The following RYR3 variants were observed in gnomAD, a reference collection of about 807,000 sequenced individuals.
RYR3 encodes the protein ryanodine receptor 3, also known as brain ryanodine receptor-calcium release channel.
A neutral mutation model predicts 584.3 loss-of-function variants in RYR3; 207 were observed. The observed-to-expected ratio is 0.35, with a 90% CI of 0.32 to 0.40. The LOEUF is 0.40. RYR3 is among the 10% of genes least tolerant of loss of function. RYR3 has a pLI of 1.00. For missense variants in RYR3, 5,616 were observed against 6,089.2 expected, an observed-to-expected ratio of 0.92 and a Z score of 2.59; for synonymous variants, 2,416 against 2,248.5, an observed-to-expected ratio of 1.07 and a Z score of -2.11.
chr15:33,795,370 T>C (rs113268409), intron 67 of RYR3, among the ~76,000 whole-genome samples: 7,016 of 146,670 alleles, frequency 0.048, 589 homozygotes, highest in African/African-American at 0.17. Context: ...TAAACAAGTC[T>C]TTTTCTTTTC....
At chr15:33,472,771 A>C (rs905152994) in intron 1 of RYR3, among the ~76,000 whole-genome samples, 1 of 152,144 alleles carries the variant, frequency 6.6e-6, no homozygotes, top group African/African-American at 2.4e-5. Flanking sequence ...CTACTCCTTG[A>C]GAATTCAGAG....
chr15:33,747,723 C>T (rs2070883781), intron 53 of RYR3, among the ~76,000 whole-genome samples: 1 of 152,106 alleles, frequency 6.6e-6, no homozygotes, highest in Admixed American at 6.5e-5. Context: ...CCGTGCCCAG[C>T]CCACAAGAAT....
At chr15:33,345,749 A>G (rs180683837) in intron 1 of RYR3, among the ~76,000 whole-genome samples, 5 of 152,332 alleles carry the variant, frequency 3.3e-5, no homozygotes, top group Admixed American at 2.0e-4. Flanking sequence ...GAGAAAATAC[A>G]TAGTTTTTAA....
chr15:33,548,793 A>G (rs953916040), intron 9 of RYR3, among the ~76,000 whole-genome samples: 20 of 152,182 alleles, frequency 1.3e-4, no homozygotes, highest in Non-Finnish European at 2.8e-4. Flanking sequence ...AAGGGGGATC[A>G]CTTTCAATGC....
chr15:33,663,955 G>A (rs942163443), intron 36 of RYR3, among the ~76,000 whole-genome samples: 2 of 152,166 alleles, frequency 1.3e-5, no homozygotes, highest in African/African-American at 4.8e-5. Context: ...AACTGCACAC[G>A]TGGCAGGGCT....
At chr15:33,610,665 C>A (rs1185129918) in intron 18 of RYR3, among the ~76,000 whole-genome samples, 2 of 152,148 alleles carry the variant, frequency 1.3e-5, no homozygotes, top group East Asian at 3.9e-4. Context: ...GTTGAGTATC[C>A]CTTATTCGAA....
chr15:33,694,019 G>C (rs574060765), intron 38 of RYR3, among the ~76,000 whole-genome samples: 1 of 152,072 alleles, frequency 6.6e-6, no homozygotes, highest in Non-Finnish European at 1.5e-5. Context: ...CCAGGAGGAC[G>C]TTACTTTTCT....
chr15:33,601,457 G>A lies in RYR3; in HGVS notation c.1827G>A (p.Gly609=). The change falls in exon 17 of 104, where the codon GGG becomes GGA. Residue 609 remains glycine (G), a synonymous_variant. Coordinates refer to ENST00000634891, the MANE Select transcript of RYR3 (RefSeq NM_001036.6). ...TGTGCTCCCTCTGTCTCTGCAATGG[G>A]GTTGCAGTGAGAGCCAACCAGAATC... The part of the protein sequence containing the change: ...DILCSLCLCN[G]VAVRANQNLI... The A allele has an allele frequency of 1.2e-6, 2 of 1,613,086 alleles. No individual in the cohort carries two copies. Among genetic ancestry groups the A allele is most frequent in the Non-Finnish European group, 1.7e-6 (2 of 1,179,470 alleles).
intron 72 of RYR3, among the ~76,000 whole-genome samples, chr15:33,811,553 ATGTTTGTTTGTT>A (rs57062262): frequency 6.7e-6 from 1 of 150,274 alleles, no homozygotes; most frequent in Non-Finnish European, 1.5e-5. Context: ...CCCTTAATGT[ATGTTTGTTTGTT>A]TGTTTGTTTG....
Position 33,635,810 on chromosome 15 carries a change from A to G in RYR3, c.3372A>G (p.Glu1124=). ...CCGATGACCAAGCCTTTGTGTTTGA[A>G]GGCAACAGGGTGAGTTTATATATCT... The part of the protein sequence containing the change: ...LGADDQAFVF[E]GNRGQRWHQG... The change falls in exon 26 of 104, where the codon GAA becomes GAG. Residue 1124 remains glutamate (E), a synonymous_variant. Coordinates refer to ENST00000634891, the MANE Select transcript of RYR3 (RefSeq NM_001036.6). 1 of 1,611,920 alleles carries G rather than the reference A, an allele frequency of 6.2e-7. No individual in the cohort carries two copies. Among genetic ancestry groups the G allele is most frequent in the Non-Finnish European group, 8.5e-7 (1 of 1,179,564 alleles).
At chr15:33,426,704 T>C (rs1157418204) in intron 1 of RYR3, among the ~76,000 whole-genome samples, 1 of 152,228 alleles carries the variant, frequency 6.6e-6, no homozygotes, top group Non-Finnish European at 1.5e-5. Flanking sequence ...ATTGGAATCT[T>C]AGTCTTATTT....
intron 3 of RYR3, among the ~76,000 whole-genome samples, chr15:33,514,501 C>T (rs1304049698): frequency 6.6e-6 from 1 of 152,074 alleles, no homozygotes; most frequent in Non-Finnish European, 1.5e-5. Context: ...CTCCTGAGTC[C>T]TGCTCTCTGG....
chr15:33,818,452 G>A, intron 75 of RYR3, 126 bp from the exon 76 acceptor site: 1 of 663,186 alleles, frequency 1.5e-6, no homozygotes, highest in South Asian at 1.9e-5. Flanking sequence ...TGACGTAGTG[G>A]TTTTGTTTTG....
intron 1 of RYR3, among the ~76,000 whole-genome samples, chr15:33,366,996 C>G (rs1387910263): frequency 6.6e-6 from 1 of 152,154 alleles, no homozygotes; most frequent in African/African-American, 2.4e-5. Context: ...ATTAGCGTGG[C>G]CAATTTAGCA....
Position 33,810,012 on chromosome 15 carries a change from G to A in RYR3, c.10027-467G>A, listed in dbSNP as rs552881242. Among the ~76,000 whole-genome samples, 40 of 152,314 alleles carry A rather than the reference G, an allele frequency of 2.6e-4. No homozygotes were observed. In the South Asian group the frequency reaches 5.4e-3, roughly 21 times the overall value. The stretch of plus-strand genomic sequence containing the variant: ...CCTGTAAGAATTTGCATTGGCTCAT[G>A]GTCGGGAGGCCATGGTGAGGTGTTC... On this transcript the variant is annotated intron_variant, in intron 70 of 103. Coordinates refer to ENST00000634891, the MANE Select transcript of RYR3 (RefSeq NM_001036.6).
chr15:33,615,266 G>T (rs918987822), intron 19 of RYR3, among the ~76,000 whole-genome samples: 1 of 152,134 alleles, frequency 6.6e-6, no homozygotes, highest in Non-Finnish European at 1.5e-5. Context: ...ACCATTTCAG[G>T]GATCCAGGTC....
chr15:33,434,494 T>C (rs1475757537), intron 1 of RYR3, among the ~76,000 whole-genome samples: 1 of 152,230 alleles, frequency 6.6e-6, no homozygotes, highest in East Asian at 1.9e-4. Flanking sequence ...CTCTGTAATA[T>C]AGAACAATAT....
chr15:33,739,928 ACGTTGGAGAAACAGATCT>A lies in RYR3; in HGVS notation c.7755_7772del (p.Leu2586_Ser2591del), dbSNP rs1187651051. 1 of 1,613,730 alleles carries A rather than the reference ACGTTGGAGAAACAGATCT, an allele frequency of 6.2e-7. No individual in the cohort carries two copies. The highest frequency in any genetic ancestry group is 1.7e-5 in the Admixed American group (1 of 59,996). ...TTATTTAGATACCAGAATCACAGCC[ACGTTGGAGAAACAGATCT>A]CAGTGGATGCGGATGGCAACTTTGA... On this transcript the variant is annotated inframe_deletion, in exon 51 of 104. Coordinates refer to ENST00000634891, the MANE Select transcript of RYR3 (RefSeq NM_001036.6).
chr15:33,432,697 T>TGTGTGTGTGTGTGTGTGTGTGTGTGTG (rs1555469372), intron 1 of RYR3, among the ~76,000 whole-genome samples: 7 of 148,900 alleles, frequency 4.7e-5, no homozygotes, highest in African/African-American at 1.5e-4. Flanking sequence ...TGTGTGTGTG[T>TGTGTGTGTGTGTGTGTGTGTGTGTGTG]TTAAAGTAGA....
Sources: gnomAD v4.1 joint callset for allele counts (sites outside exome capture counted in the v4.1 genomes callset) on GRCh38, gnomAD v4.1.1 for gene constraint, MANE v1.5 for transcripts, NCBI Gene and HGNC (gene_info 2026-07-23, HGNC 2026-07-21) for gene names.